DPP10: variants seen among roughly 807,000 people sequenced by gnomAD.
The protein encoded by DPP10 is dipeptidyl peptidase like 10, also known as inactive dipeptidyl peptidase 10.
In DPP10, 33 loss-of-function variants were observed where a neutral mutation model predicts 120.9. The ratio of observed to expected loss-of-function variants is 0.27; its 90% CI spans 0.21 to 0.37. The LOEUF is 0.37. Ranked by LOEUF, DPP10 falls within the 10% of genes least tolerant of loss-of-function variation. The pLI is 1.00. For synonymous variants in DPP10, 337 were observed against 326.1 expected, an observed-to-expected ratio of 1.03 and a Z score of -0.36; for missense variants, 816 against 942.8, an observed-to-expected ratio of 0.87 and a Z score of 1.76.
intron 1 of DPP10, among the ~76,000 whole-genome samples, chr2:115,014,872 A>G (rs115263200): frequency 0.029 from 4,288 of 150,398 alleles, 182 homozygotes; most frequent in African/African-American, 0.092. Context: ...CAAAAAAAAA[A>G]AAAAAAAGCA....
chr2:114,692,774 G>A (rs1699846046), intron 1 of DPP10, among the ~76,000 whole-genome samples: 1 of 152,136 alleles, frequency 6.6e-6, no homozygotes, highest in East Asian at 1.9e-4. Flanking sequence ...TGTATTGGGT[G>A]CATATATATT....
At position 115,430,379 on chromosome 2, in the gene DPP10, A is replaced by G. The variant is rs78088306; in HGVS notation, c.272-69131A>G. On this transcript the variant is annotated intron_variant, in intron 3 of 25. Transcript: ENST00000410059. ...ATGAAATTAATCTTCATAATGTAACATTATGAAGCACAGAAACATAAAAAC... is the reference window on the plus strand; with the variant it reads ...ATGAAATTAATCTTCATAATGTAACGTTATGAAGCACAGAAACATAAAAAC... 2.6e-4 allele frequency among the ~76,000 whole-genome samples: 40 copies of G among 152,316 alleles called. No individual in the cohort carries two copies. The East Asian group carries it at 6.8e-3, about 26-fold the overall frequency.
intron 1 of DPP10, among the ~76,000 whole-genome samples, chr2:115,280,479 A>G (rs1335034551): frequency 6.6e-6 from 1 of 152,236 alleles, no homozygotes; most frequent in East Asian, 1.9e-4. Flanking sequence ...CCTATAGCTC[A>G]GTGTTCACCA....
intron 1 of DPP10, among the ~76,000 whole-genome samples, chr2:114,843,268 T>TA (rs1393743504): frequency 6.6e-6 from 1 of 152,086 alleles, no homozygotes; most frequent in Non-Finnish European, 1.5e-5. Context: ...ACAAAGTTCA[T>TA]AGGACTTCTA....
intron 1 of DPP10, among the ~76,000 whole-genome samples, chr2:114,852,149 TC>T (rs1688990625): frequency 8.1e-6 from 1 of 122,780 alleles, no homozygotes; most frequent in South Asian, 3.0e-4. Flanking sequence ...AGCGATTGCA[TC>T]CTTTTTTTTT....
intron 5 of DPP10, among the ~76,000 whole-genome samples, chr2:115,683,693 A>T (rs986332123): frequency 5.3e-5 from 8 of 151,926 alleles, no homozygotes; most frequent in East Asian, 3.9e-4. Flanking sequence ...AAATAAAAAT[A>T]AAAAACCTGA....
chr2:115,251,232 C>A (rs973176), intron 1 of DPP10, among the ~76,000 whole-genome samples: 28,474 of 152,164 alleles, frequency 0.19, 2,983 homozygotes, highest in East Asian at 0.35. Context: ...TCACAGCTTT[C>A]TTTCAGAAAA....
intron 1 of DPP10, among the ~76,000 whole-genome samples, chr2:114,622,326 C>A (rs1034316475): frequency 2.0e-5 from 3 of 151,752 alleles, no homozygotes; most frequent in Non-Finnish European, 2.9e-5. Context: ...CTGTGTAAAT[C>A]CACACAGTAA....
At chr2:115,653,716 G>C (rs114021593) in intron 5 of DPP10, among the ~76,000 whole-genome samples, 2,828 of 151,924 alleles carry the variant, frequency 0.019, 78 homozygotes, top group African/African-American at 0.06. Flanking sequence ...TCCCTAGAAG[G>C]CAAGTTGATG....
intron 1 of DPP10, among the ~76,000 whole-genome samples, chr2:115,050,417 G>A (rs1028675757): frequency 6.6e-6 from 1 of 152,082 alleles, no homozygotes; most frequent in African/African-American, 2.4e-5. Flanking sequence ...TTAAAGTCAA[G>A]CTAAAAGTGC....
intron 1 of DPP10, among the ~76,000 whole-genome samples, chr2:114,588,894 C>T (rs904940054): frequency 7.9e-5 from 12 of 152,058 alleles, no homozygotes; most frequent in African/African-American, 2.9e-4. Flanking sequence ...GCATCCAACC[C>T]CATCTCTTTC....
chr2:115,329,664 C>T (rs1431027703), intron 2 of DPP10, among the ~76,000 whole-genome samples: 1 of 152,088 alleles, frequency 6.6e-6, no homozygotes, highest in African/African-American at 2.4e-5. Flanking sequence ...TCAATTCCCA[C>T]CTATGAGTGA....
intron 3 of DPP10, among the ~76,000 whole-genome samples, chr2:115,429,658 C>T (rs577545747): frequency 3.9e-5 from 6 of 152,244 alleles, no homozygotes; most frequent in Non-Finnish European, 5.9e-5. Flanking sequence ...GCTTATATGT[C>T]CCTTCCCCAG....
At chr2:114,653,475 T>C (rs1696758138) in intron 1 of DPP10, among the ~76,000 whole-genome samples, 1 of 152,166 alleles carries the variant, frequency 6.6e-6, no homozygotes, top group Non-Finnish European at 1.5e-5. Flanking sequence ...TTGTAGTAAT[T>C]TGTTATAGCA....
intron 5 of DPP10, among the ~76,000 whole-genome samples, chr2:115,588,724 T>C (rs1050253678): frequency 6.6e-6 from 1 of 152,240 alleles, no homozygotes; most frequent in African/African-American, 2.4e-5. Context: ...CAATTCTTTT[T>C]GTTTGGGGTG....
intron 5 of DPP10, chr2:115,579,800 T>G (rs2081910224): frequency 6.6e-6 from 1 of 152,186 alleles, no homozygotes; most frequent in Non-Finnish European, 1.5e-5. Context: ...GTATACACAT[T>G]TTTTAAAAAT....
intron 1 of DPP10, among the ~76,000 whole-genome samples, chr2:114,985,645 C>A (rs779030476): frequency 2.0e-5 from 3 of 152,162 alleles, no homozygotes; most frequent in Non-Finnish European, 4.4e-5. Flanking sequence ...GGGCAATGAA[C>A]AAGTTCTTTG....
At chr2:114,563,777 A>G (rs1688959229) in intron 1 of DPP10, among the ~76,000 whole-genome samples, 1 of 152,268 alleles carries the variant, frequency 6.6e-6, no homozygotes, top group South Asian at 2.1e-4. Context: ...CTAAACAAGC[A>G]AGTGTGAGCG....
intron 1 of DPP10, chr2:115,161,466 C>G (rs1025728732): frequency 1.3e-5 from 2 of 151,440 alleles, no homozygotes; most frequent in Non-Finnish European, 2.9e-5. Context: ...GCTCTCGCGC[C>G]GCTCCGGGCT....
Sources: gnomAD v4.1 joint callset for allele counts (sites outside exome capture counted in the v4.1 genomes callset) on GRCh38, gnomAD v4.1.1 for gene constraint, MANE v1.5 for transcripts, NCBI Gene and HGNC (gene_info 2026-07-23, HGNC 2026-07-21) for gene names.